Variants in PLEKHG1 observed in about 807,000 individuals in gnomAD.
The protein encoded by PLEKHG1 is pleckstrin homology domain-containing family G member 1.
PLEKHG1 carries 44 observed loss-of-function variants against 100.8 expected under a neutral mutation model. The ratio of observed to expected loss-of-function variants is 0.44; its 90% CI spans 0.34 to 0.56. PLEKHG1 has a LOEUF of 0.56. Among genes scored for constraint, PLEKHG1 ranks in the 20% least tolerant of loss-of-function variants. The pLI is 0.01. For synonymous variants in PLEKHG1, 640 were observed against 662.5 expected (o/e 0.97, Z 0.52); for missense variants, 1,545 against 1,720.9 (o/e 0.90, Z 1.81).
At position 150,831,892 on chromosome 6, in the gene PLEKHG1, C is replaced by T; in HGVS notation, c.2781C>T (p.Ser927=). ...AAGACCTGATTTCTAAAGAAGGCTCCTTTATGAGCCTTAACCGGCTTTCTC... is the reference window on the plus strand; with the variant it reads ...AAGACCTGATTTCTAAAGAAGGCTCTTTTATGAGCCTTAACCGGCTTTCTC... The change falls in exon 15 of 16, where the codon TCC becomes TCT. Residue 927 remains serine (S), a synonymous_variant. Coordinates refer to ENST00000358517, the Ensembl canonical transcript of PLEKHG1. This position sits in a 1 kb window ranked among gnomAD's most constrained non-coding sequence, Gnocchi z 4.1. The T allele has an allele frequency of 6.2e-7, 1 of 1,614,008 alleles. No individual in the cohort carries two copies. Among genetic ancestry groups the T allele is most frequent in the Non-Finnish European group, 8.5e-7 (1 of 1,179,902 alleles).
intron 6 of PLEKHG1, among the ~76,000 whole-genome samples, chr6:150,804,146 G>T (rs1786873304): frequency 1.4e-5 from 1 of 70,684 alleles, no homozygotes; most frequent in Admixed American, 2.0e-4. Flanking sequence ...ATGCTGGTGT[G>T]TAAATATTTT....
At chr6:150,694,490 C>T (rs1225954019) in intron 3 of PLEKHG1, among the ~76,000 whole-genome samples, 2 of 151,846 alleles carry the variant, frequency 1.3e-5, no homozygotes, top group African/African-American at 4.8e-5. Context: ...ACCTGAGATC[C>T]GGAGTTGGAG....
intron 3 of PLEKHG1, among the ~76,000 whole-genome samples, chr6:150,779,141 G>A (rs1441932636): frequency 1.3e-5 from 2 of 151,952 alleles, no homozygotes; most frequent in Non-Finnish European, 2.9e-5. Context: ...ATTAGGGATC[G>A]GAACTGAAGG....
At chr6:150,628,556 A>ACACACACACACACACC (rs1777602520) in intron 1 of PLEKHG1, among the ~76,000 whole-genome samples, 1 of 150,084 alleles carries the variant, frequency 6.7e-6, no homozygotes, top group Non-Finnish European at 1.5e-5. Flanking sequence ...ACACACACAC[A>ACACACACACACACACC]CACACACACA....
rs978039581 is a variant in PLEKHG1, at chr6:150,601,065, A to C, written c.-204+1048A>C. ...GGAGTTTTGAACAGATTGGATACAG[A>C]ACTATATTGTGTTTTGTATTTAGAC... On this transcript the variant is annotated intron_variant, in intron 1 of 3. Transcript: ENST00000367326. 4.6e-5 allele frequency among the ~76,000 whole-genome samples: 7 copies of C among 152,146 alleles called. No individual in the cohort carries two copies. The East Asian group carries it at 1.3e-3, about 29-fold the overall frequency.
At chr6:150,837,239 A>ATG (rs142685257) in intron 15 of PLEKHG1, among the ~76,000 whole-genome samples, 5,088 of 152,154 alleles carry the variant, frequency 0.033, 100 homozygotes, top group South Asian at 0.066. Flanking sequence ...GTGTGTCTGC[A>ATG]TGTGTGTGTG....
At chr6:150,733,752 G>C in exon 2 of PLEKHG1, 1 of 1,614,174 alleles carries the variant, frequency 6.2e-7, no homozygotes, top group Non-Finnish European at 8.5e-7. Flanking sequence ...TCCCGCGACA[G>C]CCATGGTTCC....
intron 3 of PLEKHG1, among the ~76,000 whole-genome samples, chr6:150,705,446 C>T (rs75197473): frequency 0.016 from 2,382 of 152,358 alleles, 30 homozygotes; most frequent in Non-Finnish European, 0.024. Context: ...ACATGGAAAG[C>T]GGCGGGGACC....
chr6:150,624,275 C>T (rs1777421225), intron 1 of PLEKHG1, among the ~76,000 whole-genome samples: 1 of 152,146 alleles, frequency 6.6e-6, no homozygotes, highest in Non-Finnish European at 1.5e-5. Flanking sequence ...TGCCTTCGCT[C>T]AGGGGCCCTC....
At chr6:150,706,986 C>CTTTTTTTTTTTT (rs1781040055) in intron 3 of PLEKHG1, among the ~76,000 whole-genome samples, 2 of 54,714 alleles carry the variant, frequency 3.7e-5, no homozygotes, top group South Asian at 1.3e-3. Flanking sequence ...CTTTTCTTTT[C>CTTTTTTTTTTTT]TTTTTCTTTT....
At chr6:150,797,286 C>T (rs1336657383) in intron 5 of PLEKHG1, among the ~76,000 whole-genome samples, 1 of 152,090 alleles carries the variant, frequency 6.6e-6, no homozygotes, top group Non-Finnish European at 1.5e-5. Flanking sequence ...GCACGCTGAG[C>T]CCTGAGTGTT....
At chr6:150,750,082 G>A (rs113736297) in intron 2 of PLEKHG1, among the ~76,000 whole-genome samples, 21,776 of 144,632 alleles carry the variant, frequency 0.15, 3,324 homozygotes, top group African/African-American at 0.38. Flanking sequence ...AAAAAAAAAA[G>A]AAAATATCTA....
chr6:150,817,954 G>A (rs556469604), intron 10 of PLEKHG1, among the ~76,000 whole-genome samples: 4 of 152,152 alleles, frequency 2.6e-5, no homozygotes, highest in African/African-American at 4.8e-5. Flanking sequence ...CACAGGATTG[G>A]GGGTGCAGTC....
upstream of PLEKHG1, among the ~76,000 whole-genome samples, chr6:150,720,683 A>G (rs182816110): frequency 2.0e-4 from 30 of 152,234 alleles, no homozygotes; most frequent in East Asian, 4.4e-3. Context: ...GAAAGTGAAA[A>G]GATGTGTCCC....
rs190456434 is a variant in PLEKHG1 at position 150,665,368 on chromosome 6, C to T, written c.-99+14582C>T. 1.2e-4 allele frequency among the ~76,000 whole-genome samples: 18 copies of T among 152,306 alleles called. No individual in the cohort carries two copies. The East Asian group carries it at 2.9e-3, about 24-fold the overall frequency. On this transcript the variant is annotated intron_variant, in intron 3 of 3. Coordinates refer to the PLEKHG1 transcript ENST00000367326. ...ATTTAATAATGAATGTCGTGGCTCACGCCTGTAATCCCAACACTTTGGGAG... is the reference window on the plus strand; with the variant it reads ...ATTTAATAATGAATGTCGTGGCTCATGCCTGTAATCCCAACACTTTGGGAG...
intron 6 of PLEKHG1, among the ~76,000 whole-genome samples, chr6:150,802,243 G>A (rs1467705067): frequency 6.6e-6 from 1 of 152,124 alleles, no homozygotes; most frequent in Non-Finnish European, 1.5e-5. Context: ...TCACATCAGG[G>A]ATATTATTTT....
chr6:150,800,763 C>T lies in PLEKHG1; in HGVS notation c.674C>T (p.Ala225Val), dbSNP rs770208303. The T allele has an allele frequency of 6.8e-6, 11 of 1,613,714 alleles. No individual in the cohort carries two copies. In the South Asian group the frequency reaches 1.1e-4, roughly 16 times the overall value. ...GAGTGTATGAGGAACAAGATACTGG[C>T]CAAATTCTTCAGGGAGCGTCAGGAA... Residue 225 changes from alanine (A) to valine (V), a missense_variant, in exon 6 of 16, where the codon GCC becomes GTC. By Grantham distance (64) the Ala-to-Val change is moderately conservative (BLOSUM62 0). Transcript: ENST00000358517.
intron 1 of PLEKHG1, among the ~76,000 whole-genome samples, chr6:150,637,103 G>A (rs762696547): frequency 1.3e-5 from 2 of 152,204 alleles, no homozygotes; most frequent in Non-Finnish European, 2.9e-5. Flanking sequence ...GCCTATTACA[G>A]TGTCACAGTT....
intron 1 of PLEKHG1, among the ~76,000 whole-genome samples, chr6:150,601,787 T>C (rs59573747): frequency 0.02 from 3,013 of 152,214 alleles, 90 homozygotes; most frequent in African/African-American, 0.069. Flanking sequence ...TGAGAAACAG[T>C]TACCTGGCAA....
Sources: allele counts gnomAD v4.1 joint callset (sites outside exome capture counted in the v4.1 genomes callset), GRCh38; gene constraint gnomAD v4.1.1; non-coding constraint Gnocchi (gnomAD v3.1); transcripts MANE v1.5; gene names NCBI Gene and HGNC (gene_info 2026-07-23, HGNC 2026-07-21).